The following CSRNP3 variants were observed in gnomAD, a reference collection of about 807,000 sequenced individuals.
The protein encoded by CSRNP3 is cysteine/serine-rich nuclear protein 3.
In CSRNP3, 12 loss-of-function variants were observed where a neutral mutation model predicts 48.0. That is an observed-to-expected ratio of 0.25 (90% CI 0.16 to 0.41). The LOEUF (loss-of-function observed/expected upper bound fraction) is 0.41. Ranked by LOEUF, CSRNP3 falls within the 10% of genes least tolerant of loss-of-function variation. The probability of loss-of-function intolerance (pLI) is 1.00; values close to 1 mark genes in which losing one functional copy is unlikely to be tolerated. For synonymous variants in CSRNP3, 263 were observed against 269.7 expected (o/e 0.98, Z 0.24); for missense variants, 580 against 724.4 (o/e 0.80, Z 2.29).
intron 4 of CSRNP3, among the ~76,000 whole-genome samples, chr2:165,625,334 A>T (rs12470080): frequency 2.7e-5 from 4 of 147,600 alleles, no homozygotes; most frequent in South Asian, 2.1e-4. Flanking sequence ...AGTGCTCTTT[A>T]AAAAAAAAAG....
intron 3 of CSRNP3, among the ~76,000 whole-genome samples, chr2:165,590,257 G>C (rs887699126): frequency 6.6e-6 from 1 of 152,166 alleles, no homozygotes; most frequent in African/African-American, 2.4e-5. Context: ...ATTGCTGTCA[G>C]TTATCTCCAT....
intron 3 of CSRNP3, among the ~76,000 whole-genome samples, chr2:165,541,895 A>G (rs1483094363): frequency 1.3e-5 from 2 of 152,082 alleles, no homozygotes; most frequent in East Asian, 3.9e-4. Flanking sequence ...TTTTCTAATT[A>G]TTTTTATCAT....
chr2:165,617,507 TG>T (rs1686267606), intron 4 of CSRNP3, among the ~76,000 whole-genome samples: 1 of 152,170 alleles, frequency 6.6e-6, no homozygotes, highest in South Asian at 2.1e-4. Flanking sequence ...CTGGAGACTG[TG>T]GTGCCAGGCA....
chr2:165,677,111 C>A (rs529844592), intron 6 of CSRNP3, among the ~76,000 whole-genome samples: 11 of 152,174 alleles, frequency 7.2e-5, no homozygotes, highest in Non-Finnish European at 1.6e-4. Context: ...AAGTCAGGCC[C>A]ACTGGGTTAC....
At chr2:165,501,165 A>G (rs140383882) in intron 2 of CSRNP3, among the ~76,000 whole-genome samples, 1 of 152,170 alleles carries the variant, frequency 6.6e-6, no homozygotes, top group East Asian at 1.9e-4. Flanking sequence ...ATGAAATGCT[A>G]TGCTAAGATC....
chr2:165,684,394 C>G lies in CSRNP3; in HGVS notation c.*4641C>G, dbSNP rs1168013939. The G allele has an allele frequency of 6.6e-6, 1 of 152,038 alleles. No homozygotes were observed. Among genetic ancestry groups the G allele is most frequent in the Admixed American group, 6.6e-5 (1 of 15,232 alleles). The allele number at this position is 152,038 out of a possible 1,614,324, so 9.4% of individuals were successfully genotyped here. On this transcript the variant is annotated 3_prime_UTR_variant, in exon 7 of 7. Transcript: ENST00000651982. ...TCTCTTTAAAATGGCATCTCTGTTC[C>G]TTATTCTCTTGATGACAGTTTGCAG...
At chr2:165,542,777 T>C (rs1054850160) in intron 3 of CSRNP3, among the ~76,000 whole-genome samples, 1 of 152,178 alleles carries the variant, frequency 6.6e-6, no homozygotes, top group African/African-American at 2.4e-5. Context: ...AAATTCATCT[T>C]GTATATTCTA....
At chr2:165,543,352 C>T (rs1375555882) in intron 3 of CSRNP3, among the ~76,000 whole-genome samples, 1 of 151,902 alleles carries the variant, frequency 6.6e-6, no homozygotes, top group Non-Finnish European at 1.5e-5. Context: ...ATACATTTAG[C>T]TAGTAAAGAC....
chr2:165,545,308 T>A (rs1160505408), intron 3 of CSRNP3, among the ~76,000 whole-genome samples: 1 of 152,068 alleles, frequency 6.6e-6, no homozygotes, highest in Non-Finnish European at 1.5e-5. Context: ...AGACATGGTG[T>A]GAGAAGGTTG....
intron 4 of CSRNP3, among the ~76,000 whole-genome samples, chr2:165,655,144 A>T (rs1232987209): frequency 3.3e-5 from 5 of 152,126 alleles, no homozygotes; most frequent in Admixed American, 6.5e-5. Flanking sequence ...ATTAGAGTCA[A>T]TTTTTTTCAT....
intron 4 of CSRNP3, among the ~76,000 whole-genome samples, chr2:165,608,028 TTG>T (rs918826865): frequency 6.6e-6 from 1 of 151,394 alleles, no homozygotes; most frequent in African/African-American, 2.4e-5. Context: ...GATGACATCT[TTG>T]TGTTTTCAAA....
chr2:165,550,749 G>T lies in CSRNP3; in HGVS notation c.-24+32788G>T, dbSNP rs148638959. On this transcript the variant is annotated intron_variant, in intron 3 of 6. Transcript: ENST00000651982. Reference sequence around the variant, plus strand: ...CCATCCTGAATCTTGTCCATTCCTTGCTGTCCTACTTTCTCCCTCTGTCAC... The same window carrying T: ...CCATCCTGAATCTTGTCCATTCCTTTCTGTCCTACTTTCTCCCTCTGTCAC... Among the ~76,000 whole-genome samples the T allele has an allele frequency of 3.9e-5, 6 of 152,260 alleles. No homozygotes were observed. In the East Asian group the frequency reaches 1.2e-3, roughly 29 times the overall value.
chr2:165,526,595 T>C (rs904558538), intron 3 of CSRNP3, among the ~76,000 whole-genome samples: 2 of 152,230 alleles, frequency 1.3e-5, no homozygotes, highest in African/African-American at 2.4e-5. Context: ...TATAGCATAC[T>C]GAGAGAGCAT....
At chr2:165,477,483 A>AAAAT (rs1553469308) in intron 1 of CSRNP3, among the ~76,000 whole-genome samples, 1 of 129,676 alleles carries the variant, frequency 7.7e-6, no homozygotes, top group Non-Finnish European at 1.7e-5. Context: ...ATATATATGA[A>AAAAT]ATATATATAT....
At chr2:165,572,772 T>A (rs964179370) in intron 3 of CSRNP3, among the ~76,000 whole-genome samples, 7 of 152,318 alleles carry the variant, frequency 4.6e-5, no homozygotes, top group Admixed American at 1.3e-4. Context: ...GACAGAGAAA[T>A]GTTGATATCA....
chr2:165,584,709 T>C (rs557391882), intron 3 of CSRNP3, among the ~76,000 whole-genome samples: 2 of 152,296 alleles, frequency 1.3e-5, no homozygotes, highest in South Asian at 2.1e-4. Context: ...ACTGATTTTA[T>C]GAAACCTACT....
intron 5 of CSRNP3, among the ~76,000 whole-genome samples, chr2:165,670,095 T>G (rs941139900): frequency 2.0e-5 from 3 of 152,212 alleles, no homozygotes; most frequent in Non-Finnish European, 4.4e-5. Context: ...CTGGATAATT[T>G]ATAGGTCAAT....
intron 1 of CSRNP3, among the ~76,000 whole-genome samples, chr2:165,481,407 G>T (rs955578145): frequency 2.7e-4 from 30 of 112,028 alleles, no homozygotes; most frequent in Admixed American, 2.6e-4. Context: ...CTCTTTCCTG[G>T]AGTGTGGGGT....
chr2:165,475,639 A>G (rs1247334459), intron 1 of CSRNP3, among the ~76,000 whole-genome samples: 3 of 152,248 alleles, frequency 2.0e-5, no homozygotes, highest in African/African-American at 7.2e-5. Flanking sequence ...TGCCGATTGA[A>G]TAATTAAGCA....
Sources: gnomAD v4.1 joint callset for allele counts (sites outside exome capture counted in the v4.1 genomes callset) on GRCh38, gnomAD v4.1.1 for gene constraint, MANE v1.5 for transcripts, NCBI Gene and HGNC (gene_info 2026-07-23, HGNC 2026-07-21) for gene names.